HK1: variants seen among roughly 807,000 people sequenced by gnomAD.
HK1 encodes hexokinase-1.
A neutral mutation model predicts 91.6 loss-of-function variants in HK1; 28 were observed. The observed-to-expected ratio is 0.31, with a 90% CI of 0.23 to 0.42. The LOEUF is 0.42. Among genes scored for constraint, HK1 ranks in the 10% least tolerant of loss-of-function variants. HK1 has a pLI of 1.00. For synonymous variants in HK1, 430 were observed against 468.1 expected (o/e 0.92, Z 1.05); for missense variants, 770 against 1,219.8 (o/e 0.63, Z 5.49).
At position 69,336,749 on chromosome 10, in the gene HK1, C is replaced by T. The variant is rs184958894; in HGVS notation, c.64-7078C>T. 7.7e-3 allele frequency among the ~76,000 whole-genome samples: 1,156 copies of T among 149,254 alleles called. 12 individuals are homozygous for T. The highest frequency in any genetic ancestry group is 0.028 in the African/African-American group (1,112 of 40,334). ...CTGCCTCCTGGGTTCAAGTGATTCT[C>T]CTGCCTCAGCTTCCCAAGTAGCTGG... is the stretch of plus-strand genomic sequence containing the variant. On this transcript the variant is annotated intron_variant, in intron 1 of 17. Coordinates refer to ENST00000359426, the MANE Select transcript of HK1 (RefSeq NM_000188.3).
intron 8 of HK1, among the ~76,000 whole-genome samples, chr10:69,378,635 G>T (rs2132863670): frequency 6.6e-6 from 1 of 152,250 alleles, no homozygotes; most frequent in South Asian, 2.1e-4. Context: ...GGCCAGGCTG[G>T]TCTCAAACTC....
chr10:69,291,180 G>A (rs1253314174), intron 3 of HK1, among the ~76,000 whole-genome samples: 1 of 152,236 alleles, frequency 6.6e-6, no homozygotes, highest in African/African-American at 2.4e-5. Flanking sequence ...GCCTTGGAGA[G>A]GTGGCACAAA....
chr10:69,369,737 G>T lies in HK1; in HGVS notation c.875+113G>T. The T allele has an allele frequency of 1.8e-6, 2 of 1,088,046 alleles. No individual in the cohort carries two copies. The highest frequency in any genetic ancestry group is 1.4e-6 in the Non-Finnish European group (1 of 727,292). 67.4% of individuals were successfully genotyped at this position (1,088,046 alleles called of 1,614,324 possible). ...AAGCCAAGTGATCACAAACAGAAAA[G>T]CCTGTCACATTTTTTTTTTGAGGCG... is the stretch of plus-strand genomic sequence containing the variant. On this transcript the variant is annotated intron_variant, in intron 7 of 17. Coordinates refer to ENST00000359426, the MANE Select transcript of HK1 (RefSeq NM_000188.3). The surrounding 1 kb of genome is among the most constrained non-coding windows in gnomAD (Gnocchi z 4.4).
intron 2 of HK1, among the ~76,000 whole-genome samples, chr10:69,286,499 CA>C (rs1845038976): frequency 1.3e-5 from 2 of 151,846 alleles, no homozygotes; most frequent in African/African-American, 2.4e-5. Flanking sequence ...GTCTCAAAAA[CA>C]AGCAAACAAA....
chr10:69,307,642 C>T (rs143031379), intron 5 of HK1, among the ~76,000 whole-genome samples: 34 of 152,258 alleles, frequency 2.2e-4, no homozygotes, highest in African/African-American at 7.9e-4. Context: ...ATTCAGTTTC[C>T]TCATCTATAA....
In HK1 at chr10:69,318,901, GGACC is replaced by G. The variant is rs1385403303; in HGVS notation, c.-41_-38del. The G allele has an allele frequency of 1.9e-6, 3 of 1,552,820 alleles. No homozygotes were observed. In the Admixed American group the frequency reaches 5.8e-5, roughly 30 times the overall value. ...GACCACGGCTCGCCAGGGCTGCGGA[GGACC>G]GACCGTCCCCACGCCTGCCGCCCCG... On this transcript the variant is annotated 5_prime_UTR_variant, in exon 1 of 18. Coordinates refer to ENST00000359426, the MANE Select transcript of HK1 (RefSeq NM_000188.3).
intron 3 of HK1, chr10:69,288,864 A>G (rs1185111402): frequency 7.6e-6 from 8 of 1,045,974 alleles, no homozygotes; most frequent in East Asian, 5.1e-5. Context: ...TCGGCTCACT[A>G]TAACCTCTGC....
intron 8 of HK1, among the ~76,000 whole-genome samples, chr10:69,377,706 G>A (rs1036180234): frequency 1.4e-4 from 21 of 152,314 alleles, no homozygotes; most frequent in East Asian, 7.7e-4. Flanking sequence ...CAGATTTATA[G>A]TATCATCAAC....
intron 3 of HK1, among the ~76,000 whole-genome samples, chr10:69,360,349 C>T (rs1021271149): frequency 6.6e-6 from 1 of 152,176 alleles, no homozygotes; most frequent in Non-Finnish European, 1.5e-5. Context: ...TGCACTCATT[C>T]CCTGTGGATC....
intron 8 of HK1, 96 bp from the exon 9 acceptor site, chr10:69,379,766 A>G (rs1288902857): frequency 1.1e-6 from 1 of 873,706 alleles, no homozygotes; most frequent in African/African-American, 1.6e-5. Flanking sequence ...CACACATGGT[A>G]AGTGGGGCTG....
At chr10:69,389,419 C>A (rs1290106847) in intron 14 of HK1, 123 bp downstream of exon 14, 1 of 587,858 alleles carries the variant, frequency 1.7e-6, no homozygotes, top group Admixed American at 2.2e-5. Context: ...AGTATCATTT[C>A]TTGACCAGCT....
chr10:69,288,210 C>A (rs887535484), intron 2 of HK1, among the ~76,000 whole-genome samples: 3 of 152,130 alleles, frequency 2.0e-5, no homozygotes, highest in Non-Finnish European at 4.4e-5. Context: ...CTCTCCAAAG[C>A]ATGACTCTTT....
intron 4 of HK1, among the ~76,000 whole-genome samples, chr10:69,365,648 C>T (rs1263156895): frequency 1.3e-5 from 2 of 152,040 alleles, no homozygotes; most frequent in African/African-American, 2.4e-5. Flanking sequence ...GAGGCCGAAG[C>T]AGAAGGATCA....
intron 5 of HK1, among the ~76,000 whole-genome samples, chr10:69,368,950 G>A (rs976162652): frequency 5.3e-5 from 8 of 152,200 alleles, no homozygotes; most frequent in Admixed American, 1.3e-4. Context: ...CCGCCTTATC[G>A]GGGACGTGGA....
At chr10:69,348,916 C>T (rs1848703165) in intron 2 of HK1, among the ~76,000 whole-genome samples, 1 of 152,186 alleles carries the variant, frequency 6.6e-6, no homozygotes, top group Admixed American at 6.5e-5. Context: ...ACTCGAGACA[C>T]ATCTGTCCTG....
chr10:69,303,355 A>G (rs950411966), intron 5 of HK1, among the ~76,000 whole-genome samples: 11 of 152,164 alleles, frequency 7.2e-5, no homozygotes, highest in African/African-American at 2.7e-4. Flanking sequence ...AACCACCCAG[A>G]GGGTTCACTT....
In HK1 at chr10:69,369,355, C is replaced by A; in HGVS notation, c.691+19C>A. The A allele has an allele frequency of 6.2e-7, 1 of 1,612,916 alleles. No individual in the cohort carries two copies. Among genetic ancestry groups the A allele is most frequent in the Non-Finnish European group, 8.5e-7 (1 of 1,178,868 alleles). ...ATCATCGGTAATGCATTCCCCTTTG[C>A]CCATCCATTTGTTCGGCCCATCTTT... On this transcript the variant is annotated intron_variant, in intron 6 of 17. Transcript: ENST00000359426. The surrounding 1 kb of genome is among the most constrained non-coding windows in gnomAD (Gnocchi z 4.4).
chr10:69,318,156 G>A, upstream of HK1: 6 of 985,458 alleles, frequency 6.1e-6, no homozygotes, highest in South Asian at 2.8e-4. Context: ...GTCGCTTTGG[G>A]TTCAGCAATA....
intron 1 of HK1, among the ~76,000 whole-genome samples, chr10:69,278,275 C>T (rs1341108023): frequency 2.0e-5 from 3 of 152,240 alleles, no homozygotes; most frequent in African/African-American, 7.2e-5. Flanking sequence ...TACACTATGG[C>T]TGCCTGGCTG....
Sources: allele counts gnomAD v4.1 joint callset (sites outside exome capture counted in the v4.1 genomes callset), GRCh38; gene constraint gnomAD v4.1.1; non-coding constraint Gnocchi (gnomAD v3.1); transcripts MANE v1.5; gene names NCBI Gene and HGNC (gene_info 2026-07-23, HGNC 2026-07-21).